The following PTPRA variants were observed in gnomAD, a reference collection of about 807,000 sequenced individuals.
PTPRA encodes receptor-type tyrosine-protein phosphatase alpha.
In PTPRA, 25 loss-of-function variants were observed where a neutral mutation model predicts 104.8. The ratio of observed to expected loss-of-function variants is 0.24; its 90% CI spans 0.17 to 0.33. The LOEUF (loss-of-function observed/expected upper bound fraction) is 0.33. Among genes scored for constraint, PTPRA ranks in the 10% least tolerant of loss-of-function variants. The probability of loss-of-function intolerance (pLI) is 1.00; values close to 1 mark genes in which losing one functional copy is unlikely to be tolerated. For synonymous variants in PTPRA, 323 were observed against 368.9 expected (o/e 0.88, Z 1.43); for missense variants, 765 against 1,015.3 (o/e 0.75, Z 3.35).
At chr20:2,961,450 C>A (rs6084219) in intron 3 of PTPRA, among the ~76,000 whole-genome samples, 115,498 of 152,134 alleles carry the variant, frequency 0.76, 47,238 homozygotes, top group Middle Eastern at 0.94. Flanking sequence ...TGAGGTGTCT[C>A]TTCAGGTCTT....
At chr20:2,868,926 T>C (rs2089395989), upstream of PTPRA, among the ~76,000 whole-genome samples, 2 of 152,218 alleles carry the variant, frequency 1.3e-5, no homozygotes, top group South Asian at 2.1e-4. Context: ...AACTTTTAAC[T>C]GATGACAAAT....
chr20:2,963,300 T>G (rs544895181), intron 3 of PTPRA, among the ~76,000 whole-genome samples: 1 of 152,296 alleles, frequency 6.6e-6, no homozygotes, highest in Non-Finnish European at 1.5e-5. Context: ...CACAGGTGAC[T>G]TTTTTAAAAA....
chr20:3,018,370 G>A (rs1449857011), intron 13 of PTPRA, among the ~76,000 whole-genome samples: 1 of 151,728 alleles, frequency 6.6e-6, no homozygotes, highest in Non-Finnish European at 1.5e-5. Flanking sequence ...AGGACCCTGC[G>A]GCCTTCTGCA....
upstream of PTPRA, among the ~76,000 whole-genome samples, chr20:2,869,377 T>C (rs907538765): frequency 6.6e-6 from 1 of 152,242 alleles, no homozygotes; most frequent in African/African-American, 2.4e-5. Context: ...AATCCACAGA[T>C]CTTAAATGTA....
chr20:2,940,553 G>A (rs1193506034), intron 2 of PTPRA, among the ~76,000 whole-genome samples: 1 of 152,044 alleles, frequency 6.6e-6, no homozygotes, highest in East Asian at 1.9e-4. Flanking sequence ...TGGCAGACAA[G>A]CTCAGAATAG....
At chr20:3,031,879 T>C (rs2065473418) in intron 20 of PTPRA, among the ~76,000 whole-genome samples, 1 of 152,196 alleles carries the variant, frequency 6.6e-6, no homozygotes, top group Middle Eastern at 3.2e-3. Flanking sequence ...CTTACTTTCA[T>C]AGCAAACTCT....
At chr20:2,941,840 T>C (rs567901977) in intron 2 of PTPRA, among the ~76,000 whole-genome samples, 1 of 152,262 alleles carries the variant, frequency 6.6e-6, no homozygotes, top group African/African-American at 2.4e-5. Flanking sequence ...ACTTGTCAGC[T>C]CAGGAATCAG....
chr20:2,900,873 T>A (rs1408707982), intron 1 of PTPRA, among the ~76,000 whole-genome samples: 10 of 145,068 alleles, frequency 6.9e-5, no homozygotes, highest in Middle Eastern at 3.7e-3. Flanking sequence ...AAAAAAAAAA[T>A]AGCTTCTCCA....
chr20:2,984,484 T>C (rs1361059880), intron 6 of PTPRA, among the ~76,000 whole-genome samples: 1 of 152,168 alleles, frequency 6.6e-6, no homozygotes, highest in Non-Finnish European at 1.5e-5. Context: ...AATTGATTGC[T>C]CCCTCCTTGA....
At chr20:2,977,871 C>G (rs1421762729) in intron 6 of PTPRA, among the ~76,000 whole-genome samples, 2 of 152,036 alleles carry the variant, frequency 1.3e-5, no homozygotes, top group East Asian at 1.9e-4. Flanking sequence ...GAAGTCTACT[C>G]AGTTACATGC....
chr20:3,015,529 C>G (rs1000592608), intron 11 of PTPRA, among the ~76,000 whole-genome samples: 1 of 152,044 alleles, frequency 6.6e-6, no homozygotes, highest in African/African-American at 2.4e-5. Flanking sequence ...TGCTCTCACA[C>G]TCTTGACCTT....
chr20:2,928,273 C>G (rs2060380590), intron 2 of PTPRA, among the ~76,000 whole-genome samples: 2 of 151,982 alleles, frequency 1.3e-5, no homozygotes, highest in African/African-American at 2.4e-5. Flanking sequence ...GTAGCTGGGA[C>G]TATAGGCGCC....
chr20:2,902,081 C>T (rs2059259487), intron 1 of PTPRA, among the ~76,000 whole-genome samples: 2 of 152,054 alleles, frequency 1.3e-5, no homozygotes, highest in African/African-American at 2.4e-5. Context: ...GATGGGGTTT[C>T]ACCATGTTGG....
In PTPRA at chr20:3,038,581, C is replaced by G. The variant is rs1156699505; in HGVS notation, c.*448C>G. 5.6e-6 allele frequency: 1 copy of G among 180,132 alleles called. No homozygotes were observed. Among genetic ancestry groups the G allele is most frequent in the Non-Finnish European group, 1.2e-5 (1 of 85,560 alleles). 11.2% of individuals were successfully genotyped at this position (180,132 alleles called of 1,614,324 possible). On this transcript the variant is annotated 3_prime_UTR_variant, in exon 24 of 24. Coordinates refer to ENST00000399903, the MANE Select transcript of PTPRA (RefSeq NM_001385305.1). ...CCCTGGTCCCCTCCCCCATCCCCAC[C>G]ACTGATATCATGGGGAGTAATAGGA...
chr20:2,936,976 ATC>A (rs2060725419), intron 2 of PTPRA, among the ~76,000 whole-genome samples: 1 of 151,908 alleles, frequency 6.6e-6, no homozygotes, highest in Non-Finnish European at 1.5e-5. Context: ...TTTTGAGTGT[ATC>A]TCTTTATAAA....
chr20:2,887,223 CATT>C (rs147106481), intron 1 of PTPRA, among the ~76,000 whole-genome samples: 1 of 152,008 alleles, frequency 6.6e-6, no homozygotes, highest in East Asian at 1.9e-4. Context: ...ATGGAAGTAC[CATT>C]ATTGTGATCA....
intron 1 of PTPRA, among the ~76,000 whole-genome samples, chr20:2,903,425 G>A (rs1600088222): frequency 6.6e-6 from 1 of 152,184 alleles, no homozygotes; most frequent in Non-Finnish European, 1.5e-5. Flanking sequence ...AGTGGCTGAT[G>A]CCTGTAATCA....
chr20:2,951,194 G>C (rs2061342357), intron 3 of PTPRA, among the ~76,000 whole-genome samples: 1 of 152,100 alleles, frequency 6.6e-6, no homozygotes, highest in African/African-American at 2.4e-5. Context: ...CCGACTCCGG[G>C]GTTCACACCA....
At chr20:2,992,700 C>T (rs1193773171) in intron 9 of PTPRA, among the ~76,000 whole-genome samples, 2 of 152,284 alleles carry the variant, frequency 1.3e-5, no homozygotes, top group Middle Eastern at 3.4e-3. Flanking sequence ...CTTCTGTTTA[C>T]CTTACTACAA....
Sources: gnomAD v4.1 joint callset for allele counts (sites outside exome capture counted in the v4.1 genomes callset) on GRCh38, gnomAD v4.1.1 for gene constraint, MANE v1.5 for transcripts, NCBI Gene and HGNC (gene_info 2026-07-23, HGNC 2026-07-21) for gene names.